The following DNAAF3 variants were observed in gnomAD, a reference collection of about 807,000 sequenced individuals.
DNAAF3 encodes UPF0470 protein C19orf51.
A neutral mutation model predicts 50.9 loss-of-function variants in DNAAF3; 40 were observed. That is an observed-to-expected ratio of 0.79 (90% confidence interval 0.61 to 1.02). DNAAF3 has a LOEUF of 1.02. DNAAF3 is among the 50% of genes least tolerant of loss of function. The probability of loss-of-function intolerance (pLI) is 0.00; values close to 1 mark genes in which losing one functional copy is unlikely to be tolerated. For missense variants in DNAAF3, 763 were observed against 744.7 expected, an observed-to-expected ratio of 1.02 and a Z score of -0.29; for synonymous variants, 327 against 322.8, an observed-to-expected ratio of 1.01 and a Z score of -0.14.
chr19:55,162,427 A>C, intron 4 of DNAAF3, 137 bp from the exon 5 acceptor site: 1 of 1,028,380 alleles, frequency 9.7e-7, no homozygotes, highest in Non-Finnish European at 1.2e-6. Context: ...CCCAAAAACT[A>C]CATGAAGAAC....
chr19:55,164,797 A>T (rs1482682744), intron 4 of DNAAF3, among the ~76,000 whole-genome samples: 1 of 152,090 alleles, frequency 6.6e-6, no homozygotes, highest in Non-Finnish European at 1.5e-5. Context: ...TGCTGGGATT[A>T]CAGGTGTGAA....
At chr19:55,164,985 C>A (rs1426017682) in intron 4 of DNAAF3, among the ~76,000 whole-genome samples, 1 of 149,270 alleles carries the variant, frequency 6.7e-6, no homozygotes, top group South Asian at 2.1e-4. Flanking sequence ...CTGGAAAATA[C>A]CAAACATTTT....
rs549295806 is a variant in DNAAF3 at position 55,162,295 on chromosome 19, G to C, written c.323-5C>G. 2 of 1,248,400 alleles carry C rather than the reference G, an allele frequency of 1.6e-6. No individual in the cohort carries two copies. The highest frequency in any genetic ancestry group is 2.0e-6 in the Non-Finnish European group (2 of 988,650). The allele number at this position is 1,248,400 out of a possible 1,614,324, so 77.3% of individuals were successfully genotyped here. A position where few individuals can be genotyped will look rare whatever the true frequency, so the allele number is the denominator to read the frequency against. On this transcript the variant is annotated splice_polypyrimidine_tract_variant and splice_region_variant and intron_variant, in intron 4 of 11. Coordinates refer to ENST00000524407, the MANE Select transcript of DNAAF3 (RefSeq NM_001256715.2). ...CCAGGAAGGTCTCGCTTCGCTCTAC[G>C]GAGAGAGGGAGATAATTGCGGGAAT...
chr19:55,162,666 G>T (rs1351413978), intron 4 of DNAAF3: 5 of 995,316 alleles, frequency 5.0e-6, no homozygotes, highest in Non-Finnish European at 4.8e-6. Context: ...GAGAATATTT[G>T]GGGGAAAAGA....
chr19:55,162,590 A>G, intron 4 of DNAAF3: 1 of 907,888 alleles, frequency 1.1e-6, no homozygotes, highest in Non-Finnish European at 1.3e-6. Context: ...CGCCTCTAAA[A>G]TAAATAAATA....
At chr19:55,165,727 T>A in intron 3 of DNAAF3, 131 bp downstream of exon 3, 1 of 1,472,442 alleles carries the variant, frequency 6.8e-7, no homozygotes, top group Non-Finnish European at 9.1e-7. Flanking sequence ...ATCGGTTCGC[T>A]CCCAGCTTCT....
Position 55,161,830 on chromosome 19 carries a change from G to T in DNAAF3, c.481-5C>A. 3 of 1,434,380 alleles carry T rather than the reference G, an allele frequency of 2.1e-6. No individual in the cohort carries two copies. The highest frequency in any genetic ancestry group is 2.7e-6 in the Non-Finnish European group (3 of 1,095,946). The allele number at this position is 1,434,380 out of a possible 1,614,324, so 88.9% of individuals were successfully genotyped here. On this transcript the variant is annotated splice_region_variant and splice_polypyrimidine_tract_variant and intron_variant, in intron 5 of 11. Transcript: ENST00000524407. This position sits in a 1 kb window ranked among gnomAD's most constrained non-coding sequence, Gnocchi z 6.4. ...CAGGGCATCCCGCTCGCGGAACTGC[G>T]GGGCCAGGCACGCGGTGGGACAGAG... is the stretch of plus-strand genomic sequence containing the variant.
chr19:55,161,060 C>T lies in DNAAF3; in HGVS notation c.912+5G>A, dbSNP rs1037483400. ...TCTACCCCCAGTCCCAGCCTCGCCG[C>T]GCACCTTGACTGGCTGGCCGTTGCT... On this transcript the variant is annotated splice_donor_5th_base_variant and intron_variant, in intron 8 of 11. Coordinates refer to ENST00000524407, the MANE Select transcript of DNAAF3 (RefSeq NM_001256715.2). The surrounding 1 kb of genome is among the most constrained non-coding windows in gnomAD (Gnocchi z 6.4). The T allele has an allele frequency of 5.3e-5, 82 of 1,538,142 alleles. No individual in the cohort carries two copies. The highest frequency in any genetic ancestry group is 6.7e-5 in the Non-Finnish European group (77 of 1,144,164).
Position 55,165,399 on chromosome 19 carries a change from A to G in DNAAF3, c.293T>C (p.Leu98Pro), listed in dbSNP as rs770076925. ...CAGCCCCATCTTCTCCGGTTCCTCC[A>G]GGGCTAGGCTGAAGATCAGCATGTG... ...ARHMLIFSLA[L>P]EEPEKMGLQE... The change falls in exon 4 of 12, where the codon CTG becomes CCG. Residue 98 changes from leucine to proline, a missense_variant. By Grantham distance (98) the Leu-to-Pro change is moderately conservative. Coordinates refer to ENST00000524407, the MANE Select transcript of DNAAF3 (RefSeq NM_001256715.2). 4 of 1,614,194 alleles carry G rather than the reference A, an allele frequency of 2.5e-6. No individual in the cohort carries two copies. Among genetic ancestry groups the G allele is most frequent in the South Asian group, 1.1e-5 (1 of 91,072 alleles).
At position 55,166,494 on chromosome 19, in the gene DNAAF3, T is replaced by G; in HGVS notation, c.-5+29A>C. 4.3e-6 allele frequency: 7 copies of G among 1,613,484 alleles called. No homozygotes were observed. Among genetic ancestry groups the G allele is most frequent in the Non-Finnish European group, 5.9e-6 (7 of 1,179,648 alleles). On this transcript the variant is annotated intron_variant, in intron 1 of 11. Transcript: ENST00000524407. The surrounding 1 kb of genome is among the most constrained non-coding windows in gnomAD (Gnocchi z 4.0). ...CTCACCGCCCCTCACTTCTCGCCCC[T>G]TTGCCTCCACATGATACCTTGCCCA...
Position 55,159,327 on chromosome 19 carries a change from A to G in DNAAF3, c.1361T>C (p.Phe454Ser). The change falls in exon 12 of 12, where the codon TTC becomes TCC. Residue 454 changes from phenylalanine (F) to serine (S), a missense_variant. By Grantham distance (155) the Phe-to-Ser change is radical. Transcript: ENST00000524407. ...GARPSETFAR[F>S]CKSQESALGN... is the part of the protein sequence containing the mutation. Reference sequence around the variant, plus strand: ...CAGAGCTGATTCCTGGGACTTGCAGAAACGTGCGAAGGTCTCTGAAGGCCT... The same window carrying G: ...CAGAGCTGATTCCTGGGACTTGCAGGAACGTGCGAAGGTCTCTGAAGGCCT... 6.2e-7 allele frequency: 1 copy of G among 1,614,182 alleles called. No homozygotes were observed. The highest frequency in any genetic ancestry group is 1.7e-5 in the Admixed American group (1 of 60,034).
Position 55,166,054 on chromosome 19 carries a change from G to A in DNAAF3, c.86-54C>T, listed in dbSNP as rs1442208762. ...CATGGTGGTTGGCAGAGCGTCCACC[G>A]TAGCATCCCCTATAAAAAATGGACT... is the stretch of plus-strand genomic sequence containing the variant. On this transcript the variant is annotated intron_variant, in intron 2 of 11. Transcript: ENST00000524407. The surrounding 1 kb of genome is among the most constrained non-coding windows in gnomAD (Gnocchi z 4.0). 7 of 1,613,724 alleles carry A rather than the reference G, an allele frequency of 4.3e-6. No homozygotes were observed. Among genetic ancestry groups the A allele is most frequent in the African/African-American group, 2.7e-5 (2 of 75,052 alleles).
rs576940831 is a variant in DNAAF3 at position 55,159,330 on chromosome 19, C to G, written c.1358G>C (p.Arg453Pro). 3 of 1,614,168 alleles carry G rather than the reference C, an allele frequency of 1.9e-6. No individual in the cohort carries two copies. The highest frequency in any genetic ancestry group is 2.7e-5 in the African/African-American group (2 of 75,054). ...AGCTGATTCCTGGGACTTGCAGAAACGTGCGAAGGTCTCTGAAGGCCTGGC... is the reference window on the plus strand; with the variant it reads ...AGCTGATTCCTGGGACTTGCAGAAAGGTGCGAAGGTCTCTGAAGGCCTGGC... ...TGARPSETFA[R>P]FCKSQESALG... Residue 453 changes from arginine to proline, a missense_variant, in exon 12 of 12, where the codon CGT (arginine) becomes CCT (proline). Transcript: ENST00000524407.
At chr19:55,162,511 C>T (rs1334138487) in intron 4 of DNAAF3, 5 of 798,772 alleles carry the variant, frequency 6.3e-6, no homozygotes, top group Non-Finnish European at 8.2e-6. Flanking sequence ...CGCTTGAACC[C>T]GGAGGCGGAG....
Position 55,161,695 on chromosome 19 carries a change from G to C in DNAAF3, c.611C>G (p.Ala204Gly). Residue 204 changes from alanine to glycine, a missense_variant, in exon 6 of 12, where the codon GCC (alanine) becomes GGC (glycine). Coordinates refer to ENST00000524407, the MANE Select transcript of DNAAF3 (RefSeq NM_001256715.2). The surrounding 1 kb of genome is among the most constrained non-coding windows in gnomAD (Gnocchi z 6.4). Reference protein sequence around the residue: ...LRHYLGSRYDARRGVSDWDLR... With the variant: ...LRHYLGSRYDGRRGVSDWDLR... Reference sequence around the variant, plus strand: ...GTCCCAGTCGCTGACACCGCGCCGGGCGTCGTAGCGGGAGCCCAGGTAGTG... The same window carrying C: ...GTCCCAGTCGCTGACACCGCGCCGGCCGTCGTAGCGGGAGCCCAGGTAGTG... 1.3e-6 allele frequency: 2 copies of C among 1,540,798 alleles called. No individual in the cohort carries two copies. The highest frequency in any genetic ancestry group is 1.7e-6 in the Non-Finnish European group (2 of 1,146,430).
Position 55,160,500 on chromosome 19 carries a change from GGAGAGAAAGA to G in DNAAF3, c.1048+130_1048+139del. The stretch of plus-strand genomic sequence containing the variant: ...AGCATGCTCTCAGAATTTAGGAAAG[GGAGAGAAAGA>G]GAGAAAAAGAGACAGAATATCAAGA... On this transcript the variant is annotated intron_variant, in intron 9 of 11. Transcript: ENST00000524407. The surrounding 1 kb of genome is among the most constrained non-coding windows in gnomAD (Gnocchi z 4.7). 6 of 1,414,880 alleles carry G rather than the reference GGAGAGAAAGA, an allele frequency of 4.2e-6. No homozygotes were observed. The highest frequency in any genetic ancestry group is 5.8e-6 in the Non-Finnish European group (6 of 1,030,928). 87.6% of individuals were successfully genotyped at this position (1,414,880 alleles called of 1,614,324 possible).
Position 55,160,292 on chromosome 19 carries a change from T to C in DNAAF3, c.1049-279A>G, listed in dbSNP as rs892202547. 6.6e-6 allele frequency among the ~76,000 whole-genome samples: 1 copy of C among 152,068 alleles called. No individual in the cohort carries two copies. The highest frequency in any genetic ancestry group is 1.5e-5 in the Non-Finnish European group (1 of 67,982). On this transcript the variant is annotated intron_variant, in intron 9 of 11. Transcript: ENST00000524407. This position sits in a 1 kb window ranked among gnomAD's most constrained non-coding sequence, Gnocchi z 4.7. ...GGCCAGGGCCACATGTGACATGCCC[T>C]GTCAGACAGACACGCAGGGAGGGCC...
chr19:55,161,306 C>A lies in DNAAF3; in HGVS notation c.776G>T (p.Arg259Leu). 6.2e-7 allele frequency: 1 copy of A among 1,609,982 alleles called. No individual in the cohort carries two copies. Residue 259 changes from arginine to leucine, a missense_variant, in exon 7 of 12, where the codon CGC becomes CTC. Transcript: ENST00000524407. The surrounding 1 kb of genome is among the most constrained non-coding windows in gnomAD (Gnocchi z 6.4). Reference sequence around the variant, plus strand: ...GTGGACACGCACGTAGCTCAGGAGGCGACCGGACGCCAGGGTCCGGTTGGG... The same window carrying A: ...GTGGACACGCACGTAGCTCAGGAGGAGACCGGACGCCAGGGTCCGGTTGGG... ...HVPNRTLASG[R>L]LLSYRGERVA...
At position 55,159,119 on chromosome 19, in the gene DNAAF3, C is replaced by G. The variant is rs2085769926; in HGVS notation, c.1569G>C (p.Gln523His). The stretch of plus-strand genomic sequence containing the variant: ...TGGGCGGAGCCAAGGCCCCCTGAGG[C>G]TGAGCCAGAACCTCTGAGAGTGAAC... ...SPGSLSEVLA[Q>H]PQGALAPPNC... Residue 523 changes from glutamine to histidine, a missense_variant, in exon 12 of 12, where the codon CAG becomes CAC. Gln to His is a conservative substitution (Grantham distance 24). Transcript: ENST00000524407. 1 of 1,612,838 alleles carries G rather than the reference C, an allele frequency of 6.2e-7. No individual in the cohort carries two copies. The highest frequency in any genetic ancestry group is 1.3e-5 in the African/African-American group (1 of 74,932).
Sources: gnomAD v4.1 joint callset for allele counts (sites outside exome capture counted in the v4.1 genomes callset) on GRCh38, gnomAD v4.1.1 for gene constraint, Gnocchi (gnomAD v3.1) non-coding constraint, MANE v1.5 for transcripts, NCBI Gene and HGNC (gene_info 2026-07-23, HGNC 2026-07-21) for gene names.